Variants in GRID2 observed in about 807,000 individuals in gnomAD.
The protein encoded by GRID2 is glutamate receptor ionotropic, delta-2.
A neutral mutation model predicts 114.8 loss-of-function variants in GRID2; 33 were observed. The ratio of observed to expected loss-of-function variants is 0.29; its 90% CI spans 0.22 to 0.38. GRID2 has a LOEUF of 0.38. GRID2 is among the 10% of genes least tolerant of loss of function. The probability of loss-of-function intolerance (pLI) is 1.00; values close to 1 mark genes in which losing one functional copy is unlikely to be tolerated. For synonymous variants in GRID2, 505 were observed against 449.9 expected (o/e 1.12, Z -1.55); for missense variants, 1,184 against 1,257.7 (o/e 0.94, Z 0.89).
At chr4:93,197,976 A>AT (rs769041253) in intron 4 of GRID2, among the ~76,000 whole-genome samples, 1 of 152,138 alleles carries the variant, frequency 6.6e-6, no homozygotes, top group Non-Finnish European at 1.5e-5. Context: ...TTTAATTAAA[A>AT]TTTTTTCTAA....
At position 92,921,150 on chromosome 4, in the gene GRID2, A is replaced by G. The variant is rs552692962; in HGVS notation, c.245-163845A>G. Among the ~76,000 whole-genome samples the G allele has an allele frequency of 5.3e-5, 8 of 152,190 alleles. No homozygotes were observed. The South Asian group carries it at 1.7e-3, about 32-fold the overall frequency. The stretch of plus-strand genomic sequence containing the variant: ...TTCCAGTTGATCGCGTCGGCTACTG[A>G]GGCTTGTACATTCATCATGTAGTTC... On this transcript the variant is annotated intron_variant, in intron 2 of 15. Transcript: ENST00000282020.
At chr4:92,386,452 G>T (rs1348853463) in intron 1 of GRID2, among the ~76,000 whole-genome samples, 3 of 151,648 alleles carry the variant, frequency 2.0e-5, no homozygotes, top group East Asian at 3.9e-4. Context: ...ATTTCCAGCA[G>T]TAGCACAGTA....
At chr4:92,442,275 C>G (rs111826995) in intron 1 of GRID2, among the ~76,000 whole-genome samples, 12 of 152,052 alleles carry the variant, frequency 7.9e-5, no homozygotes, top group East Asian at 3.9e-4. Flanking sequence ...GACAGCCTTG[C>G]GCCAGAGTTC....
chr4:93,559,307 G>A (rs1467189418), intron 13 of GRID2, among the ~76,000 whole-genome samples: 1 of 152,126 alleles, frequency 6.6e-6, no homozygotes, highest in Non-Finnish European at 1.5e-5. Flanking sequence ...GCAACCTACA[G>A]AATGGGAGAA....
intron 14 of GRID2, among the ~76,000 whole-genome samples, chr4:93,730,252 A>C (rs1421859279): frequency 6.6e-6 from 1 of 152,212 alleles, no homozygotes; most frequent in East Asian, 1.9e-4. Context: ...GACTGAAGAC[A>C]AACAAGGGAT....
chr4:92,468,235 C>T (rs6532370), intron 1 of GRID2, among the ~76,000 whole-genome samples: 55,201 of 151,702 alleles, frequency 0.36, 10,500 homozygotes, highest in African/African-American at 0.47. Flanking sequence ...TTGACTAATA[C>T]AATTCCATAA....
chr4:92,334,195 G>C (rs555282164), intron 1 of GRID2, among the ~76,000 whole-genome samples: 1 of 152,280 alleles, frequency 6.6e-6, no homozygotes, highest in Non-Finnish European at 1.5e-5. Flanking sequence ...CATTGGAACT[G>C]CCTTTGCCAT....
At chr4:92,746,520 A>C (rs1294092760) in intron 2 of GRID2, among the ~76,000 whole-genome samples, 1 of 152,018 alleles carries the variant, frequency 6.6e-6, no homozygotes, top group Non-Finnish European at 1.5e-5. Flanking sequence ...CAGTTATTAG[A>C]TGTGTTTACC....
intron 14 of GRID2, among the ~76,000 whole-genome samples, chr4:93,678,701 A>G (rs1233255557): frequency 2.6e-5 from 4 of 151,802 alleles, no homozygotes; most frequent in South Asian, 2.1e-4. Flanking sequence ...AAGGATAAAT[A>G]AAATACTTTA....
At chr4:92,897,327 TAC>T (rs1747244277) in intron 2 of GRID2, among the ~76,000 whole-genome samples, 1 of 152,184 alleles carries the variant, frequency 6.6e-6, no homozygotes, top group Non-Finnish European at 1.5e-5. Flanking sequence ...ATCTCTTTAA[TAC>T]TATTCAGATT....
intron 1 of GRID2, among the ~76,000 whole-genome samples, chr4:92,520,643 T>C (rs549641320): frequency 9.6e-4 from 146 of 152,096 alleles, no homozygotes; most frequent in Non-Finnish European, 1.7e-3. Context: ...AGATGCACTC[T>C]TTCTTACCTC....
chr4:93,671,718 C>T (rs1403496464), intron 14 of GRID2, among the ~76,000 whole-genome samples: 2 of 151,996 alleles, frequency 1.3e-5, no homozygotes, highest in Non-Finnish European at 2.9e-5. Context: ...CATGTAATCC[C>T]AAAACTTTGG....
At chr4:93,796,509 A>G (rs1309988588) in intron 1 of GRID2, among the ~76,000 whole-genome samples, 5 of 151,898 alleles carry the variant, frequency 3.3e-5, no homozygotes, top group African/African-American at 7.2e-5. Flanking sequence ...AGGGCACAGA[A>G]GGAACCAGTC....
chr4:92,923,355 G>A (rs1560705792), intron 2 of GRID2, among the ~76,000 whole-genome samples: 1 of 151,954 alleles, frequency 6.6e-6, no homozygotes, highest in African/African-American at 2.4e-5. Context: ...AACTTGATAT[G>A]GAATGAATGT....
chr4:93,683,189 T>G (rs1725753817), intron 14 of GRID2, among the ~76,000 whole-genome samples: 1 of 151,990 alleles, frequency 6.6e-6, no homozygotes, highest in Non-Finnish European at 1.5e-5. Context: ...GCATTTGAAT[T>G]GTCCACCATT....
At chr4:93,664,135 G>A (rs775094483) in intron 14 of GRID2, among the ~76,000 whole-genome samples, 1 of 152,172 alleles carries the variant, frequency 6.6e-6, no homozygotes. Context: ...TCACACAAAG[G>A]GAACAGCAGT....
intron 8 of GRID2, among the ~76,000 whole-genome samples, chr4:93,280,662 A>T (rs1752554320): frequency 6.6e-6 from 1 of 151,888 alleles, no homozygotes; most frequent in South Asian, 2.1e-4. Flanking sequence ...TAAATGAGGG[A>T]GGAGGATTTT....
chr4:92,614,316 G>T (rs78035915), intron 2 of GRID2, among the ~76,000 whole-genome samples: 7,139 of 151,514 alleles, frequency 0.047, 208 homozygotes, highest in East Asian at 0.095. Flanking sequence ...AGCAACTTAG[G>T]TTATTGACTT....
At chr4:93,249,279 G>C (rs1748560712) in intron 8 of GRID2, among the ~76,000 whole-genome samples, 1 of 152,110 alleles carries the variant, frequency 6.6e-6, no homozygotes, top group Non-Finnish European at 1.5e-5. Context: ...CTGTAAACTG[G>C]TAGTATAGTT....
Sources: gnomAD v4.1 joint callset for allele counts (sites outside exome capture counted in the v4.1 genomes callset) on GRCh38, gnomAD v4.1.1 for gene constraint, MANE v1.5 for transcripts, NCBI Gene and HGNC (gene_info 2026-07-23, HGNC 2026-07-21) for gene names.